ADGRB3: variants seen among roughly 807,000 people sequenced by gnomAD.
ADGRB3 encodes the protein brain-specific angiogenesis inhibitor 3.
Under a neutral mutation model 193.4 loss-of-function variants are expected in ADGRB3, and 37 were observed. The observed-to-expected ratio is 0.19, with a 90% CI of 0.15 to 0.25. The LOEUF is 0.25. Ranked by LOEUF, ADGRB3 falls within the 10% of genes least tolerant of loss-of-function variation. The pLI is 1.00. For missense variants in ADGRB3, 1,637 were observed against 1,852.9 expected, an observed-to-expected ratio of 0.88 and a Z score of 2.14; for synonymous variants, 690 against 644.2, an observed-to-expected ratio of 1.07 and a Z score of -1.08.
intron 20 of ADGRB3, among the ~76,000 whole-genome samples, chr6:69,266,964 T>C (rs1030142499): frequency 1.3e-5 from 2 of 152,094 alleles, no homozygotes; most frequent in African/African-American, 4.8e-5. Flanking sequence ...GCAGTGTCCT[T>C]GCAGAAGTAT....
At chr6:68,915,582 T>C (rs576112671) in intron 3 of ADGRB3, among the ~76,000 whole-genome samples, 2 of 152,286 alleles carry the variant, frequency 1.3e-5, no homozygotes, top group African/African-American at 4.8e-5. Context: ...CTAAGTGTTG[T>C]TGCGTAGACA....
At chr6:69,257,407 C>A (rs918991610) in intron 20 of ADGRB3, among the ~76,000 whole-genome samples, 5 of 152,154 alleles carry the variant, frequency 3.3e-5, no homozygotes, top group African/African-American at 1.2e-4. Context: ...TTCAGAGATT[C>A]AACTTCTTCC....
intron 17 of ADGRB3, among the ~76,000 whole-genome samples, chr6:69,200,312 C>A (rs1161382227): frequency 6.6e-6 from 1 of 152,006 alleles, no homozygotes; most frequent in African/African-American, 2.4e-5. Flanking sequence ...ATATCATATT[C>A]TTGACATTAG....
At chr6:68,831,697 G>A (rs947552423) in intron 3 of ADGRB3, among the ~76,000 whole-genome samples, 2 of 152,064 alleles carry the variant, frequency 1.3e-5, no homozygotes, top group East Asian at 1.9e-4. Flanking sequence ...GGAAGTCAAC[G>A]TGGAAATAGT....
At chr6:68,847,422 T>G (rs1768301410) in intron 3 of ADGRB3, among the ~76,000 whole-genome samples, 2 of 152,160 alleles carry the variant, frequency 1.3e-5, no homozygotes, top group African/African-American at 4.8e-5. Flanking sequence ...AAATCTCATC[T>G]TGAATTGTAT....
chr6:69,028,331 G>T (rs149764142), intron 13 of ADGRB3, among the ~76,000 whole-genome samples: 3 of 152,156 alleles, frequency 2.0e-5, no homozygotes, highest in South Asian at 2.1e-4. Flanking sequence ...GCTGTTTTCG[G>T]TTTTTTTGTT....
At chr6:68,846,765 T>G (rs895590427) in intron 3 of ADGRB3, among the ~76,000 whole-genome samples, 3 of 152,166 alleles carry the variant, frequency 2.0e-5, no homozygotes, top group Non-Finnish European at 4.4e-5. Context: ...ATGGAGAACC[T>G]CTGCTAGGAC....
rs148261726 is a variant in ADGRB3, at chr6:68,865,477, G to A, written c.758-65082G>A. ...TGATTCTCTCATGGGGTACATAGGT[G>A]CATGCTTTGAAGGGTCCTGTGGGAT... On this transcript the variant is annotated intron_variant, in intron 3 of 31. Coordinates refer to ENST00000370598, the MANE Select transcript of ADGRB3 (RefSeq NM_001704.3). Among the ~76,000 whole-genome samples, 63 of 152,224 alleles carry A rather than the reference G, an allele frequency of 4.1e-4. No homozygotes were observed. In the East Asian group the frequency reaches 0.012, roughly 29 times the overall value.
intron 26 of ADGRB3, among the ~76,000 whole-genome samples, chr6:69,345,310 T>G (rs1769061340): frequency 6.6e-6 from 1 of 152,146 alleles, no homozygotes; most frequent in African/African-American, 2.4e-5. Flanking sequence ...GAAGAAAACT[T>G]CAGGCCAATT....
At chr6:69,043,851 T>TA (rs1451480858) in intron 13 of ADGRB3, among the ~76,000 whole-genome samples, 2 of 152,090 alleles carry the variant, frequency 1.3e-5, no homozygotes, top group African/African-American at 4.8e-5. Context: ...TTGAGACTGA[T>TA]AGAGGATGCT....
intron 20 of ADGRB3, among the ~76,000 whole-genome samples, chr6:69,263,963 C>T (rs1372059140): frequency 6.6e-6 from 1 of 151,928 alleles, no homozygotes; most frequent in Non-Finnish European, 1.5e-5. Context: ...TTAACATACT[C>T]CTTCTACTCA....
chr6:69,371,035 A>G (rs1769696788), intron 29 of ADGRB3, among the ~76,000 whole-genome samples: 1 of 152,106 alleles, frequency 6.6e-6, no homozygotes, highest in Non-Finnish European at 1.5e-5. Context: ...GGAGACAAGA[A>G]GAAAGTGAGA....
intron 17 of ADGRB3, among the ~76,000 whole-genome samples, chr6:69,200,418 C>A (rs925258790): frequency 1.7e-4 from 26 of 151,732 alleles, no homozygotes; most frequent in African/African-American, 6.3e-4. Context: ...AAAATTAAAC[C>A]CACATTGACA....
At chr6:68,715,773 T>C (rs1415911119) in intron 3 of ADGRB3, among the ~76,000 whole-genome samples, 2 of 151,756 alleles carry the variant, frequency 1.3e-5, no homozygotes, top group Non-Finnish European at 2.9e-5. Flanking sequence ...TAGGGTTCCA[T>C]CGGCTACAAT....
intron 24 of ADGRB3, among the ~76,000 whole-genome samples, chr6:69,334,633 G>A (rs1723662084): frequency 1.3e-5 from 2 of 152,206 alleles, no homozygotes; most frequent in South Asian, 4.1e-4. Context: ...ACATGTGGTG[G>A]AAATTGAAGT....
intron 3 of ADGRB3, among the ~76,000 whole-genome samples, chr6:68,706,270 A>C (rs2127312651): frequency 6.6e-6 from 1 of 152,230 alleles, no homozygotes; most frequent in South Asian, 2.1e-4. Context: ...TCACTGCTAA[A>C]ATTTTGACCC....
chr6:69,334,193 G>A (rs1242751489), intron 24 of ADGRB3, among the ~76,000 whole-genome samples: 1 of 151,646 alleles, frequency 6.6e-6, no homozygotes, highest in Non-Finnish European at 1.5e-5. Context: ...CCATTGAACT[G>A]TAACCTCATT....
At chr6:69,295,455 A>G (rs1253484243) in intron 20 of ADGRB3, among the ~76,000 whole-genome samples, 1 of 152,144 alleles carries the variant, frequency 6.6e-6, no homozygotes, top group Non-Finnish European at 1.5e-5. Context: ...CAATTCAGGA[A>G]GAGCAGCTGA....
intron 28 of ADGRB3, among the ~76,000 whole-genome samples, chr6:69,358,382 T>C (rs918525831): frequency 6.6e-6 from 1 of 151,982 alleles, no homozygotes; most frequent in African/African-American, 2.4e-5. Context: ...AGCTGTGATC[T>C]CATCTCTGCA....
Sources: gnomAD v4.1 joint callset for allele counts (sites outside exome capture counted in the v4.1 genomes callset) on GRCh38, gnomAD v4.1.1 for gene constraint, MANE v1.5 for transcripts, NCBI Gene and HGNC (gene_info 2026-07-23, HGNC 2026-07-21) for gene names.